ASPM: variants seen among roughly 807,000 people sequenced by gnomAD.
The protein encoded by ASPM is abnormal spindle-like microcephaly-associated protein.
ASPM carries 256 observed loss-of-function variants against 366.4 expected under a neutral mutation model. The observed-to-expected ratio is 0.70, with a 90% CI of 0.63 to 0.77. The LOEUF is 0.77. Ranked by LOEUF, ASPM falls within the 30% of genes least tolerant of loss-of-function variation. ASPM has a pLI of 0.00. For missense variants in ASPM, 4,146 were observed against 4,090.4 expected, an observed-to-expected ratio of 1.01 and a Z score of -0.37; for synonymous variants, 1,414 against 1,342.9, an observed-to-expected ratio of 1.05 and a Z score of -1.16.
Position 197,101,268 on chromosome 1 carries a change from T to C in ASPM, c.7983A>G (p.Leu2661=). The C allele has an allele frequency of 1.2e-6, 2 of 1,612,098 alleles. No homozygotes were observed. The highest frequency in any genetic ancestry group is 1.7e-6 in the Non-Finnish European group (2 of 1,178,912). Residue 2661 remains leucine, a synonymous_variant, in exon 18 of 28, where the codon CTA becomes CTG. Transcript: ENST00000367409. ...TAACTGCTTGGGTACGCACTGCAGT[T>C]AGTTTTCTGTATCTTCTTTGAATAG... The part of the protein sequence containing the change: ...VVSIQRRYRK[L]TAVRTQAVIC...
In ASPM at chr1:197,121,924, T is replaced by C. The variant is rs112180069; in HGVS notation, c.3861A>G (p.Lys1287=). The change falls in exon 16 of 28, where the codon AAA becomes AAG. Residue 1287 remains lysine, a synonymous_variant. Coordinates refer to ENST00000367409, the MANE Select transcript of ASPM (RefSeq NM_018136.5). ...WRKYKLKTDL[K]RHQEREKAAR... is the part of the protein sequence containing the mutation. ...CATATTCTAGGAGTACCTGATGGCG[T>C]TTGAGATCTGTTTTTAGTTTATATT... 1.2e-6 allele frequency: 2 copies of C among 1,609,196 alleles called. No individual in the cohort carries two copies. Among genetic ancestry groups the C allele is most frequent in the Non-Finnish European group, 1.7e-6 (2 of 1,176,060 alleles).
intron 4 of ASPM, chr1:197,138,742 A>G (rs1443016487): frequency 2.8e-6 from 2 of 709,474 alleles, no homozygotes; most frequent in Non-Finnish European, 5.1e-6. Context: ...AAATTAAGAG[A>G]AACGATTATT....
At chr1:197,114,933 G>A (rs1193681393) in intron 17 of ASPM, among the ~76,000 whole-genome samples, 3 of 152,084 alleles carry the variant, frequency 2.0e-5, no homozygotes, top group Non-Finnish European at 4.4e-5. Flanking sequence ...ATTTTTAGTG[G>A]AGACAGTGTT....
At chr1:197,116,345 C>T (rs1657735151) in intron 17 of ASPM, among the ~76,000 whole-genome samples, 1 of 152,082 alleles carries the variant, frequency 6.6e-6, no homozygotes, top group South Asian at 2.1e-4. Context: ...CTCACACTTC[C>T]TATCAAAGAT....
At position 197,117,745 on chromosome 1, in the gene ASPM, C is replaced by A. The variant is rs778124859; in HGVS notation, c.4065+44G>T. 2.3e-5 allele frequency: 35 copies of A among 1,529,108 alleles called. No homozygotes were observed. In the Admixed American group the frequency reaches 6.0e-4, roughly 26 times the overall value. 94.7% of individuals were successfully genotyped at this position (1,529,108 alleles called of 1,614,324 possible). A position where few individuals can be genotyped will look rare whatever the true frequency, so the allele number is the denominator to read the frequency against. ...ATTTTGCCTTCTTACTTAAAAAAGT[C>A]ATTAAAATTTTTTAAATTCAAAAAT... On this transcript the variant is annotated intron_variant, in intron 17 of 27. Transcript: ENST00000367409.
rs749806576 is a variant in ASPM at position 197,146,339 on chromosome 1, C to G, written c.99G>C (p.Ala33=). 1 of 1,612,466 alleles carries G rather than the reference C, an allele frequency of 6.2e-7. No homozygotes were observed. Among genetic ancestry groups the G allele is most frequent in the Non-Finnish European group, 8.5e-7 (1 of 1,179,858 alleles). ...GLRGPAAEEE[A]SSPPVLSLSH... ...TGAGAGACAGGACCGGCGGGGAAGA[C>G]GCCTCCTCCTCGGCCGCGGGGCCCC... The change falls in exon 1 of 28, where the codon GCG becomes GCC. Residue 33 remains alanine (A), a synonymous_variant. Transcript: ENST00000367409.
At position 197,133,523 on chromosome 1, in the gene ASPM, T is replaced by C. The variant is rs1658328328; in HGVS notation, c.2246A>G (p.Glu749Gly). The C allele has an allele frequency of 6.2e-7, 1 of 1,614,110 alleles. No individual in the cohort carries two copies. Among genetic ancestry groups the C allele is most frequent in the South Asian group, 1.1e-5 (1 of 91,082 alleles). The change falls in exon 6 of 28, where the codon GAG becomes GGG. Residue 749 changes from glutamate (E) to glycine (G), a missense_variant. Physicochemically the swap from Glu to Gly is moderately conservative, Grantham distance 98. This residue lies in a region of ASPM where 3,624 missense variants were observed against 3,591.7 expected (regional missense o/e 1.01). Transcript: ENST00000367409. Reference protein sequence around the residue: ...KISVPRAPTKEEMSLRAYTAR... With the variant: ...KISVPRAPTKGEMSLRAYTAR... ...AGTATAAGCTCTGAGAGACATTTCC[T>C]CTTTTGTAGGTGCTCTAGGAACACT...
chr1:197,142,810 T>C lies in ASPM; in HGVS notation c.1442A>G (p.His481Arg). 6.2e-7 allele frequency: 1 copy of C among 1,613,698 alleles called. No homozygotes were observed. The highest frequency in any genetic ancestry group is 8.5e-7 in the Non-Finnish European group (1 of 1,179,608). The part of the protein sequence containing the change: ...KFSAVQDISS[H>R]SHNKQPKRRP... ...TCTCTTAGGTTGTTTATTGTGGCTATGACTAGAAATATCCTGAACTGCAGA... is the reference window on the plus strand; with the variant it reads ...TCTCTTAGGTTGTTTATTGTGGCTACGACTAGAAATATCCTGAACTGCAGA... The change falls in exon 3 of 28, where the codon CAT (histidine) becomes CGT (arginine). Residue 481 changes from histidine (H) to arginine (R), a missense_variant. By Grantham distance (29) the His-to-Arg change is conservative (BLOSUM62 0). Around this residue, in one of 3 missense-constraint regions of ASPM, gnomAD observed 3,624 missense variants for 3,591.7 expected, o/e 1.01. Coordinates refer to ENST00000367409, the MANE Select transcript of ASPM (RefSeq NM_018136.5).
rs779615834 is a variant in ASPM at position 197,100,612 on chromosome 1, A to G, written c.8639T>C (p.Leu2880Ser). 4 of 1,612,060 alleles carry G rather than the reference A, an allele frequency of 2.5e-6. No individual in the cohort carries two copies. The South Asian group carries it at 4.4e-5, about 18-fold the overall frequency. The change falls in exon 18 of 28, where the codon TTA (leucine) becomes TCA (serine). Residue 2880 changes from leucine to serine, a missense_variant. This residue lies in a region of ASPM where 3,624 missense variants were observed against 3,591.7 expected (regional missense o/e 1.01). Coordinates refer to ENST00000367409, the MANE Select transcript of ASPM (RefSeq NM_018136.5). ...AACCACTGCTGCTTTTCTATATAGT[A>G]AAAACTGTTTTCTGGTTTGCCACGT... Reference protein sequence around the residue: ...FRTWQTRKQFLLYRKAAVVLQ... With the variant: ...FRTWQTRKQFSLYRKAAVVLQ...
At chr1:197,107,497 C>T (rs1657449940) in intron 17 of ASPM, among the ~76,000 whole-genome samples, 1 of 152,090 alleles carries the variant, frequency 6.6e-6, no homozygotes, top group African/African-American at 2.4e-5. Context: ...GATAACATAA[C>T]ATTAAATTTC....
At position 197,129,309 on chromosome 1, in the gene ASPM, C is replaced by A; in HGVS notation, c.2638G>T (p.Glu880Ter). 1 of 1,612,782 alleles carries A rather than the reference C, an allele frequency of 6.2e-7. No homozygotes were observed. The highest frequency in any genetic ancestry group is 8.5e-7 in the Non-Finnish European group (1 of 1,179,194). ...VPHLYRDGHEEALSKFTLKKL... is the reference protein window; with the variant it reads ...VPHLYRDGHE Reference sequence around the variant, plus strand: ...TTCAATGTAAACTTGGACAAAGCTTCTTCATGACCTTAAATAAAGTACAAA... The same window carrying A: ...TTCAATGTAAACTTGGACAAAGCTTATTCATGACCTTAAATAAAGTACAAA... Residue 880 changes from glutamate to a stop codon, truncating the protein, a stop_gained, in exon 9 of 28, where the codon GAA (glutamate) becomes TAA (stop). Transcript: ENST00000367409. LOFTEE classifies it high-confidence loss of function.
At chr1:197,093,690 A>T (rs4915156) in intron 20 of ASPM, among the ~76,000 whole-genome samples, 130,637 of 151,668 alleles carry the variant, frequency 0.86, 56,859 homozygotes, top group East Asian at 1. Context: ...TTACGTAACA[A>T]CCTGTGAGAA....
intron 27 of ASPM, among the ~76,000 whole-genome samples, chr1:197,085,848 C>T (rs1201402876): frequency 6.6e-6 from 1 of 151,986 alleles, no homozygotes; most frequent in Non-Finnish European, 1.5e-5. Flanking sequence ...ATACATTTGT[C>T]AAAACGAATT....
At chr1:197,084,489 CT>C in intron 27 of ASPM, 63 bp from the exon 28 acceptor site, 2 of 1,109,878 alleles carry the variant, frequency 1.8e-6, no homozygotes, top group Non-Finnish European at 2.7e-6. Flanking sequence ...TTACCTTCAC[CT>C]TTTTTCTCTT....
At position 197,146,553 on chromosome 1, in the gene ASPM, G is replaced by T; in HGVS notation, c.-116C>A. The T allele has an allele frequency of 1.7e-6, 2 of 1,150,136 alleles. No individual in the cohort carries two copies. The highest frequency in any genetic ancestry group is 1.3e-5 in the South Asian group (1 of 77,630). The allele number at this position is 1,150,136 out of a possible 1,614,324, so 71.2% of individuals were successfully genotyped here. Reference sequence around the variant, plus strand: ...CCTCAGGGGCGGCTGTAGAGGTCGTGGGAGTGAATTCGGCCCTTTTTCTTT... The same window carrying T: ...CCTCAGGGGCGGCTGTAGAGGTCGTTGGAGTGAATTCGGCCCTTTTTCTTT... On this transcript the variant is annotated 5_prime_UTR_variant, in exon 1 of 28. Coordinates refer to ENST00000367409, the MANE Select transcript of ASPM (RefSeq NM_018136.5).
intron 18 of ASPM, among the ~76,000 whole-genome samples, chr1:197,097,413 G>T (rs759145890): frequency 2.6e-5 from 4 of 151,652 alleles, no homozygotes; most frequent in Non-Finnish European, 5.9e-5. Flanking sequence ...ATGTTAATCC[G>T]ACTGGGTCGG....
Position 197,122,209 on chromosome 1 carries a change from G to A in ASPM, c.3691C>T (p.Pro1231Ser), listed in dbSNP as rs1432354999. The A allele has an allele frequency of 1.2e-6, 2 of 1,612,512 alleles. No homozygotes were observed. Among genetic ancestry groups the A allele is most frequent in the Non-Finnish European group, 1.7e-6 (2 of 1,178,856 alleles). The change falls in exon 15 of 28, where the codon CCT becomes TCT. Residue 1231 changes from proline (P) to serine (S), a missense_variant. By Grantham distance (74) the Pro-to-Ser change is moderately conservative. Transcript: ENST00000367409. ...RSAVRDLGGIPAMINHSDMSN... is the reference protein window; with the variant it reads ...RSAVRDLGGISAMINHSDMSN... ...ATATCTGAATGATTAATCATAGCAGGTATTCCACCAAGGTCTCTAACTGCA... is the reference window on the plus strand; with the variant it reads ...ATATCTGAATGATTAATCATAGCAGATATTCCACCAAGGTCTCTAACTGCA...
chr1:197,117,536 A>C (rs1281773037), intron 17 of ASPM, among the ~76,000 whole-genome samples: 2 of 152,110 alleles, frequency 1.3e-5, no homozygotes, highest in African/African-American at 4.8e-5. Flanking sequence ...ACAGCGTAGA[A>C]GACGCAACAA....
chr1:197,090,971 T>A lies in ASPM; in HGVS notation c.9515A>T (p.His3172Leu). Residue 3172 changes from histidine (H) to leucine (L), a missense_variant, in exon 23 of 28, where the codon CAT becomes CTT. This residue lies in a region of ASPM where 3,624 missense variants were observed against 3,591.7 expected (regional missense o/e 1.01). Coordinates refer to ENST00000367409, the MANE Select transcript of ASPM (RefSeq NM_018136.5). ...CTGGCTCAGACATTCTTGACCTTCATGCTCAATCTTTTTGATGCTATGATA... is the reference window on the plus strand; with the variant it reads ...CTGGCTCAGACATTCTTGACCTTCAAGCTCAATCTTTTTGATGCTATGATA... ...QKYHSIKKIE[H>L]EGQECLSQRN... 1 of 1,612,932 alleles carries A rather than the reference T, an allele frequency of 6.2e-7. No homozygotes were observed. Among genetic ancestry groups the A allele is most frequent in the Non-Finnish European group, 8.5e-7 (1 of 1,179,182 alleles).
Sources: allele counts gnomAD v4.1 joint callset (sites outside exome capture counted in the v4.1 genomes callset), GRCh38; gene constraint gnomAD v4.1.1; regional missense constraint gnomAD v4.1.1; transcripts MANE v1.5; gene names NCBI Gene and HGNC (gene_info 2026-07-23, HGNC 2026-07-21).